The following SPIN1 variants were observed in gnomAD, a reference collection of about 807,000 sequenced individuals.
The protein encoded by SPIN1 is spindlin 1, also known as spindlin-1.
SPIN1 carries 3 observed loss-of-function variants against 26.0 expected under a neutral mutation model. The ratio of observed to expected loss-of-function variants is 0.12; its 90% CI spans 0.05 to 0.30. The LOEUF (loss-of-function observed/expected upper bound fraction) is 0.30, where lower values mean the gene tolerates loss of function less well. Ranked by LOEUF, SPIN1 falls within the 10% of genes least tolerant of loss-of-function variation. The pLI, the probability that SPIN1 is intolerant of heterozygous loss-of-function variation, is 1.00. For synonymous variants in SPIN1, 101 were observed against 116.5 expected (o/e 0.87, Z 0.86); for missense variants, 126 against 333.4 (o/e 0.38, Z 4.84).
At chr9:88,392,081 T>C (rs1826935000) in intron 1 of SPIN1, among the ~76,000 whole-genome samples, 1 of 152,154 alleles carries the variant, frequency 6.6e-6, no homozygotes, top group African/African-American at 2.4e-5. Context: ...TTACATGAAA[T>C]GGATTTATAG....
chr9:88,421,350 C>T (rs905482214), intron 1 of SPIN1, among the ~76,000 whole-genome samples: 8 of 151,970 alleles, frequency 5.3e-5, no homozygotes, highest in Admixed American at 1.3e-4. Context: ...TTGCCCAAGC[C>T]GAAGTGCAGT....
intron 3 of SPIN1, among the ~76,000 whole-genome samples, chr9:88,453,873 G>C (rs1288468263): frequency 6.6e-6 from 1 of 152,160 alleles, no homozygotes; most frequent in East Asian, 1.9e-4. Flanking sequence ...TTGGAAATCA[G>C]TACACTAAAT....
rs150554015 is a variant in SPIN1 at position 88,445,958 on chromosome 9, C to T, written c.53-2983C>T. Among the ~76,000 whole-genome samples the T allele has an allele frequency of 7.5e-3, 1,140 of 151,982 alleles. 14 individuals carry two copies. Among genetic ancestry groups the T allele is most frequent in the African/African-American group, 0.026 (1,065 of 41,488 alleles). The stretch of plus-strand genomic sequence containing the variant: ...TGTCAACTAAGTAAGGTTGGTTGTT[C>T]GGGTCTTCTGTATTCCTTTTGATTT... On this transcript the variant is annotated intron_variant, in intron 2 of 5. Coordinates refer to ENST00000375859, the MANE Select transcript of SPIN1 (RefSeq NM_006717.3).
At chr9:88,413,067 T>G (rs1018197260) in intron 1 of SPIN1, among the ~76,000 whole-genome samples, 4 of 90,682 alleles carry the variant, frequency 4.4e-5, no homozygotes, top group South Asian at 6.7e-4. Flanking sequence ...AAAATTAAGT[T>G]TTTTTTTTTT....
At chr9:88,389,530 T>C (rs1483390882) in intron 1 of SPIN1, 1 of 152,242 alleles carries the variant, frequency 6.6e-6, no homozygotes, top group Non-Finnish European at 1.5e-5. Context: ...ATTTTGTGTT[T>C]TGGAGAGATT....
Position 88,408,460 on chromosome 9 carries a change from C to T in SPIN1, c.-158-17922C>T, listed in dbSNP as rs149777125. On this transcript the variant is annotated intron_variant, in intron 1 of 5. Coordinates refer to ENST00000375859, the MANE Select transcript of SPIN1 (RefSeq NM_006717.3). ...TGGTGCTATCTTGGCTAACTGCAAC[C>T]TCCGCCTCCTGGGTTTAAGCAGTTC... Among the ~76,000 whole-genome samples, 551 of 150,944 alleles carry T rather than the reference C, an allele frequency of 3.7e-3. 6 individuals are homozygous for T. Among genetic ancestry groups the T allele is most frequent in the African/African-American group, 0.013 (517 of 41,148 alleles).
intron 2 of SPIN1, among the ~76,000 whole-genome samples, chr9:88,435,080 A>C (rs1827973637): frequency 1.3e-5 from 2 of 151,588 alleles, no homozygotes; most frequent in African/African-American, 4.8e-5. Flanking sequence ...TATCTTTGTC[A>C]GTATGTCTTG....
intron 2 of SPIN1, among the ~76,000 whole-genome samples, chr9:88,439,263 C>CGTGAATTCTCTTAT (rs1326189348): frequency 3.6e-4 from 54 of 152,028 alleles, no homozygotes; most frequent in Non-Finnish European, 6.9e-4. Context: ...TGTGTGAATT[C>CGTGAATTCTCTTAT]GTGTAAGAGA....
intron 3 of SPIN1, among the ~76,000 whole-genome samples, chr9:88,453,695 T>G (rs1009649101): frequency 9.9e-5 from 15 of 152,072 alleles, no homozygotes; most frequent in Non-Finnish European, 2.2e-4. Context: ...CCCGACTGAT[T>G]TTGTATTTTT....
At chr9:88,398,078 A>G (rs1323054203) in intron 1 of SPIN1, among the ~76,000 whole-genome samples, 1 of 151,754 alleles carries the variant, frequency 6.6e-6, no homozygotes, top group Non-Finnish European at 1.5e-5. Context: ...ATGTGCCACC[A>G]TGCCTGGCTA....
At chr9:88,447,017 C>T (rs775148441) in intron 2 of SPIN1, among the ~76,000 whole-genome samples, 1 of 152,134 alleles carries the variant, frequency 6.6e-6, no homozygotes, top group Non-Finnish European at 1.5e-5. Flanking sequence ...ATTCCTCTCT[C>T]TGCTCTTTGT....
intron 3 of SPIN1, among the ~76,000 whole-genome samples, chr9:88,450,482 A>G (rs1828333998): frequency 6.6e-6 from 1 of 151,516 alleles, no homozygotes; most frequent in Non-Finnish European, 1.5e-5. Context: ...GCTCTTGGGC[A>G]TGTTATTATA....
At chr9:88,429,535 A>G (rs886204288) in intron 2 of SPIN1, among the ~76,000 whole-genome samples, 1 of 152,176 alleles carries the variant, frequency 6.6e-6, no homozygotes, top group Non-Finnish European at 1.5e-5. Context: ...TATAAAGGGT[A>G]TTACAAAGGA....
At chr9:88,429,104 C>T (rs565819672) in intron 2 of SPIN1, among the ~76,000 whole-genome samples, 2 of 152,206 alleles carry the variant, frequency 1.3e-5, no homozygotes, top group East Asian at 1.9e-4. Flanking sequence ...TGAGCTGAAG[C>T]GGTCCTCCTG....
intron 3 of SPIN1, among the ~76,000 whole-genome samples, chr9:88,462,291 A>G (rs1828590789): frequency 6.6e-6 from 1 of 152,186 alleles, no homozygotes; most frequent in African/African-American, 2.4e-5. Context: ...CCTATTACTA[A>G]CATACCATGT....
chr9:88,442,359 T>G (rs1280331010), intron 2 of SPIN1, among the ~76,000 whole-genome samples: 2 of 151,820 alleles, frequency 1.3e-5, no homozygotes, highest in African/African-American at 4.9e-5. Context: ...ATGTAATTCT[T>G]TATTCCTCTG....
rs138249946 is a variant in SPIN1, at chr9:88,464,393, A to G, written c.355+1644A>G. Among the ~76,000 whole-genome samples the G allele has an allele frequency of 1.1e-4, 17 of 152,324 alleles. No individual in the cohort carries two copies. In the East Asian group the frequency reaches 1.5e-3, roughly 14 times the overall value. Reference sequence around the variant, plus strand: ...CGGAAGCAATTGCTTCAGGCAGTACATTAGAGTATAATTAAAATTATGTTT... The same window carrying G: ...CGGAAGCAATTGCTTCAGGCAGTACGTTAGAGTATAATTAAAATTATGTTT... On this transcript the variant is annotated intron_variant, in intron 4 of 5. Transcript: ENST00000375859.
rs546415635 is a variant in SPIN1, at chr9:88,435,570, A to G, written c.52+8979A>G. 7.2e-5 allele frequency among the ~76,000 whole-genome samples: 11 copies of G among 152,286 alleles called. No individual in the cohort carries two copies. In the East Asian group the frequency reaches 1.9e-3, roughly 27 times the overall value. ...TGTGGTTTTGTCTGTCTTGTGGGTG[A>G]GAAATGGTGTTTCTGTGCAGTTTTA... On this transcript the variant is annotated intron_variant, in intron 2 of 5. Transcript: ENST00000375859.
intron 2 of SPIN1, among the ~76,000 whole-genome samples, chr9:88,439,536 T>C (rs1270519569): frequency 6.6e-6 from 1 of 152,258 alleles, no homozygotes; most frequent in African/African-American, 2.4e-5. Flanking sequence ...TACGCAGATA[T>C]TCTGAAATGT....
Sources: gnomAD v4.1 joint callset for allele counts (sites outside exome capture counted in the v4.1 genomes callset) on GRCh38, gnomAD v4.1.1 for gene constraint, MANE v1.5 for transcripts, NCBI Gene and HGNC (gene_info 2026-07-23, HGNC 2026-07-21) for gene names.